The following PDE3A variants were observed in gnomAD, a reference collection of about 807,000 sequenced individuals.
PDE3A encodes phosphodiesterase 3A, also known as cGMP-inhibited 3',5'-cyclic phosphodiesterase 3A.
PDE3A carries 43 observed loss-of-function variants against 98.3 expected under a neutral mutation model. The ratio of observed to expected loss-of-function variants is 0.44; its 90% CI spans 0.34 to 0.56. The LOEUF is 0.56. Ranked by LOEUF, PDE3A falls within the 20% of genes least tolerant of loss-of-function variation. The pLI is 0.01. For missense variants in PDE3A, 1,427 were observed against 1,440.7 expected, an observed-to-expected ratio of 0.99 and a Z score of 0.15; for synonymous variants, 663 against 567.9, an observed-to-expected ratio of 1.17 and a Z score of -2.38.
chr12:20,459,697 T>C (rs1211134421), intron 1 of PDE3A, among the ~76,000 whole-genome samples: 1 of 152,184 alleles, frequency 6.6e-6, no homozygotes, highest in Non-Finnish European at 1.5e-5. Context: ...AAGTTTTCAA[T>C]TTAGTACCAT....
At chr12:20,591,541 T>C (rs1763275402) in intron 2 of PDE3A, among the ~76,000 whole-genome samples, 1 of 152,234 alleles carries the variant, frequency 6.6e-6, no homozygotes, top group Admixed American at 6.5e-5. Flanking sequence ...AACACACAGA[T>C]ACAACCTTCT....
chr12:20,492,015 G>A (rs1010780010), intron 1 of PDE3A, among the ~76,000 whole-genome samples: 1 of 151,850 alleles, frequency 6.6e-6, no homozygotes, highest in African/African-American at 2.4e-5. Flanking sequence ...GAGTCTCGCC[G>A]TGTTGCCCAG....
At chr12:20,551,634 G>T in intron 1 of PDE3A, 2 of 1,583,910 alleles carry the variant, frequency 1.3e-6, no homozygotes, top group Non-Finnish European at 1.7e-6. Context: ...TGTGCGATGA[G>T]TGCGACATGG....
chr12:20,431,205 A>G (rs1944691786), intron 1 of PDE3A, among the ~76,000 whole-genome samples: 1 of 152,190 alleles, frequency 6.6e-6, no homozygotes, highest in Non-Finnish European at 1.5e-5. Flanking sequence ...AATAAAAGAT[A>G]CAGAATGAAA....
At chr12:20,461,048 A>G (rs1472645476) in intron 1 of PDE3A, among the ~76,000 whole-genome samples, 2 of 152,098 alleles carry the variant, frequency 1.3e-5, no homozygotes, top group Non-Finnish European at 2.9e-5. Flanking sequence ...TTTACATGCA[A>G]CGAGATATGC....
chr12:20,542,436 TACACACAC>T (rs57427303), intron 1 of PDE3A, among the ~76,000 whole-genome samples: 1,927 of 149,900 alleles, frequency 0.013, 37 homozygotes, highest in African/African-American at 0.042. Context: ...CGTAACAGCA[TACACACAC>T]ACACACACAC....
At chr12:20,398,187 A>G (rs1460485397) in intron 1 of PDE3A, among the ~76,000 whole-genome samples, 1 of 151,610 alleles carries the variant, frequency 6.6e-6, no homozygotes, top group East Asian at 1.9e-4. Flanking sequence ...AAAATGCCTG[A>G]TGGCTTATTG....
chr12:20,565,565 G>A (rs554290098), intron 2 of PDE3A, among the ~76,000 whole-genome samples: 6 of 152,072 alleles, frequency 3.9e-5, no homozygotes, highest in African/African-American at 1.2e-4. Context: ...GGTAGGTAAA[G>A]GTGATATAGG....
intron 1 of PDE3A, among the ~76,000 whole-genome samples, chr12:20,555,582 C>T (rs573772306): frequency 6.6e-6 from 1 of 152,260 alleles, no homozygotes; most frequent in East Asian, 1.9e-4. Context: ...TATGTTTATA[C>T]TCTCCAATGA....
rs1317331209 is a variant in PDE3A at position 20,684,011 on chromosome 12, T to G, written c.*3740T>G. 6.6e-6 allele frequency: 1 copy of G among 152,106 alleles called. No individual in the cohort carries two copies. Among genetic ancestry groups the G allele is most frequent in the East Asian group, 1.9e-4 (1 of 5,192 alleles). The allele number at this position is 152,106 out of a possible 1,614,324, so 9.4% of individuals were successfully genotyped here. A position where few individuals can be genotyped will look rare whatever the true frequency, so the allele number is the denominator to read the frequency against. On this transcript the variant is annotated 3_prime_UTR_variant, in exon 16 of 16. Transcript: ENST00000359062. Reference sequence around the variant, plus strand: ...AGGCATGAGACTCAGGCCTACTCTTTGTTTAAATGATGGAAAAATATAAAT... The same window carrying G: ...AGGCATGAGACTCAGGCCTACTCTTGGTTTAAATGATGGAAAAATATAAAT...
intron 2 of PDE3A, among the ~76,000 whole-genome samples, chr12:20,583,642 T>TA (rs775543025): frequency 3.9e-5 from 6 of 152,184 alleles, no homozygotes; most frequent in Non-Finnish European, 7.4e-5. Flanking sequence ...TAGTACCTAC[T>TA]TTTCTGGATC....
intron 2 of PDE3A, among the ~76,000 whole-genome samples, chr12:20,603,632 C>T (rs2121417397): frequency 6.6e-6 from 1 of 151,980 alleles, no homozygotes; most frequent in African/African-American, 2.4e-5. Context: ...AACTACTGGC[C>T]CAGTTCATGT....
chr12:20,382,348 C>G (rs1031774113), intron 1 of PDE3A, among the ~76,000 whole-genome samples: 1 of 151,800 alleles, frequency 6.6e-6, no homozygotes, highest in African/African-American at 2.4e-5. Context: ...TTGGCTCAGA[C>G]AAGAAGGGTC....
chr12:20,640,103 A>T (rs1394035450), intron 10 of PDE3A, 146 bp downstream of exon 10: 1 of 519,680 alleles, frequency 1.9e-6, no homozygotes, highest in Non-Finnish European at 3.5e-6. Flanking sequence ...ATTAGGAAAT[A>T]TCGCCTGTGT....
intron 1 of PDE3A, among the ~76,000 whole-genome samples, chr12:20,452,277 A>G (rs1402462326): frequency 6.6e-6 from 1 of 152,216 alleles, no homozygotes; most frequent in Admixed American, 6.5e-5. Context: ...AAATATAGCA[A>G]TCATACCTAA....
chr12:20,580,436 C>T (rs931629046), intron 2 of PDE3A, among the ~76,000 whole-genome samples: 4 of 152,116 alleles, frequency 2.6e-5, no homozygotes, highest in African/African-American at 7.2e-5. Flanking sequence ...GGGATAATTT[C>T]ATATAAACTG....
intron 15 of PDE3A, among the ~76,000 whole-genome samples, chr12:20,668,794 AT>A (rs1383644074): frequency 2.0e-5 from 3 of 151,758 alleles, no homozygotes; most frequent in African/African-American, 7.3e-5. Flanking sequence ...CAGAGCACCA[AT>A]CCTCCTCCAA....
At chr12:20,655,482 G>T (rs1945021358) in intron 15 of PDE3A, among the ~76,000 whole-genome samples, 1 of 152,122 alleles carries the variant, frequency 6.6e-6, no homozygotes, top group Non-Finnish European at 1.5e-5. Context: ...TACAGTCATG[G>T]GTTCTTAGTT....
intron 4 of PDE3A, among the ~76,000 whole-genome samples, chr12:20,616,874 T>G (rs1448088400): frequency 1.6e-4 from 24 of 152,140 alleles, no homozygotes; most frequent in Admixed American, 1.0e-3. Context: ...ATTTGGTAAT[T>G]TAAACTTTTC....
Sources: gnomAD v4.1 joint callset for allele counts (sites outside exome capture counted in the v4.1 genomes callset) on GRCh38, gnomAD v4.1.1 for gene constraint, MANE v1.5 for transcripts, NCBI Gene and HGNC (gene_info 2026-07-23, HGNC 2026-07-21) for gene names.